The following OOSP3 variants were observed in gnomAD, a reference collection of about 807,000 sequenced individuals.
OOSP3 encodes oocyte secreted protein family member 3.
At chr11:59,880,041 G>T (rs749295118) in intron 1 of OOSP3, among the ~76,000 whole-genome samples, 1 of 152,128 alleles carries the variant, frequency 6.6e-6, no homozygotes, top group African/African-American at 2.4e-5. Flanking sequence ...AACAGTACTC[G>T]CAGGGAAGGA....
Position 59,878,887 on chromosome 11 carries a change from A to G in OOSP3, c.73+6A>G. On this transcript the variant is annotated splice_donor_region_variant and intron_variant, in intron 1 of 4. Coordinates refer to ENST00000646438, the Ensembl canonical transcript of OOSP3. ...TCTTTCTGAGCAAGAGTCAGGTACA[A>G]GTGACCTTTATATTTTGTTGTTTGA... is the stretch of plus-strand genomic sequence containing the variant. The G allele has an allele frequency of 2.5e-6, 1 of 398,482 alleles. No individual in the cohort carries two copies. The highest frequency in any genetic ancestry group is 4.4e-6 in the Non-Finnish European group (1 of 226,010). 24.7% of individuals were successfully genotyped at this position (398,482 alleles called of 1,614,324 possible).
chr11:59,882,221 A>G (rs1175294535), intron 2 of OOSP3, among the ~76,000 whole-genome samples: 1 of 152,142 alleles, frequency 6.6e-6, no homozygotes. Context: ...GGCACAAACT[A>G]TGACGTAGAA....
At chr11:59,882,174 G>A (rs1853208119) in intron 2 of OOSP3, among the ~76,000 whole-genome samples, 1 of 152,048 alleles carries the variant, frequency 6.6e-6, no homozygotes, top group Non-Finnish European at 1.5e-5. Flanking sequence ...GAGACACTAA[G>A]AGAGGCAGAG....
chr11:59,884,467 GTCTGTCTGTCTCTCTC>G lies in OOSP3; in HGVS notation c.252+4032_252+4047del, dbSNP rs1317656103. ...TGTCTGTTTGTCTGTCTGTCTGTCT[GTCTGTCTGTCTCTCTC>G]TCTCTCTCTCTCTCTCTCTCTCTCT... On this transcript the variant is annotated intron_variant, in intron 2 of 4. Coordinates refer to ENST00000646438, the Ensembl canonical transcript of OOSP3. Among the ~76,000 whole-genome samples the G allele has an allele frequency of 3.4e-3, 410 of 121,942 alleles. 1 individual carries two copies. The highest frequency in any genetic ancestry group is 0.012 in the African/African-American group (364 of 30,146). 80.0% of individuals were successfully genotyped at this position (121,942 alleles called of 152,430 possible). A position where few individuals can be genotyped will look rare whatever the true frequency, so the allele number is the denominator to read the frequency against.
At chr11:59,895,125 T>C (rs1312478263) in intron 3 of OOSP3, among the ~76,000 whole-genome samples, 1 of 152,184 alleles carries the variant, frequency 6.6e-6, no homozygotes, top group South Asian at 2.1e-4. Context: ...ATCTTCAGGA[T>C]CAATGGATGA....
chr11:59,892,028 C>G (rs1853316768), intron 2 of OOSP3, among the ~76,000 whole-genome samples: 1 of 152,200 alleles, frequency 6.6e-6, no homozygotes, highest in African/African-American at 2.4e-5. Context: ...AATCTCTTGC[C>G]TCACTGGAGT....
At chr11:59,882,388 T>A (rs75321450) in intron 2 of OOSP3, among the ~76,000 whole-genome samples, 2,675 of 152,264 alleles carry the variant, frequency 0.018, 93 homozygotes, top group African/African-American at 0.059. Flanking sequence ...ATGTTTAAAA[T>A]GTTTTCAAAT....
chr11:59,885,158 A>G (rs545325153), intron 2 of OOSP3, among the ~76,000 whole-genome samples: 65 of 152,254 alleles, frequency 4.3e-4, no homozygotes, highest in African/African-American at 1.4e-3. Context: ...TTCTATTAAT[A>G]TGGTGTATTA....
intron 4 of OOSP3, 33 bp downstream of exon 4, chr11:59,895,685 G>A (rs1163680845): frequency 7.5e-6 from 3 of 398,142 alleles, no homozygotes; most frequent in African/African-American, 6.2e-5. Context: ...AAACATGGCA[G>A]TGTCCATGTA....
intron 2 of OOSP3, among the ~76,000 whole-genome samples, chr11:59,888,064 T>C (rs983997198): frequency 1.3e-5 from 2 of 152,198 alleles, no homozygotes; most frequent in African/African-American, 4.8e-5. Context: ...TTTGTGGCAA[T>C]TGTGAATGGG....
chr11:59,894,329 C>T (rs887761425), intron 3 of OOSP3, among the ~76,000 whole-genome samples, 153 bp downstream of exon 3: 6 of 152,184 alleles, frequency 3.9e-5, no homozygotes, highest in African/African-American at 1.4e-4. Context: ...TTATCAATGC[C>T]ATTTGGCCAT....
chr11:59,891,128 T>C (rs891615368), intron 2 of OOSP3, among the ~76,000 whole-genome samples: 4 of 152,218 alleles, frequency 2.6e-5, no homozygotes. Context: ...CTCCATCAGG[T>C]CATTATGTTT....
intron 4 of OOSP3, among the ~76,000 whole-genome samples, 186 bp downstream of exon 4, chr11:59,895,838 T>C (rs1420488277): frequency 2.0e-5 from 3 of 152,238 alleles, no homozygotes; most frequent in Non-Finnish European, 4.4e-5. Context: ...TCCATGTGTC[T>C]ACATATATCC....
intron 2 of OOSP3, among the ~76,000 whole-genome samples, chr11:59,892,862 C>T (rs945629636): frequency 1.3e-5 from 2 of 152,120 alleles, no homozygotes; most frequent in Non-Finnish European, 2.9e-5. Flanking sequence ...AGCTATCATT[C>T]TTACTGAGAT....
chr11:59,879,276 G>C (rs1398766303), intron 1 of OOSP3, among the ~76,000 whole-genome samples: 1 of 152,110 alleles, frequency 6.6e-6, no homozygotes, highest in Non-Finnish European at 1.5e-5. Flanking sequence ...TCATGAGTTA[G>C]TGATCATAAA....
At position 59,895,551 on chromosome 11, in the gene OOSP3, T is replaced by C. The variant is rs559034972; in HGVS notation, c.400T>C (p.Phe134Leu). ...CACTATCCATAACAATCTTACAGAA[T>C]TCCAAAATGACCCTCCCGCTACCAA... Residue 134 changes from phenylalanine (F) to leucine (L), a missense_variant, in exon 4 of 5, where the codon TTC (phenylalanine) becomes CTC (leucine). By Grantham distance (22) the Phe-to-Leu change is conservative. Coordinates refer to ENST00000646438, the Ensembl canonical transcript of OOSP3. The C allele has an allele frequency of 9.3e-5, 37 of 398,450 alleles. No individual in the cohort carries two copies. The South Asian group carries it at 4.3e-3, about 47-fold the overall frequency. 24.7% of individuals were successfully genotyped at this position (398,450 alleles called of 1,614,324 possible).
At chr11:59,879,972 T>C (rs1157538702) in intron 1 of OOSP3, among the ~76,000 whole-genome samples, 1 of 152,142 alleles carries the variant, frequency 6.6e-6, no homozygotes, top group East Asian at 1.9e-4. Flanking sequence ...GGCAGCCCCA[T>C]ACAGCAAAAG....
At chr11:59,886,192 G>T (rs554227890) in intron 2 of OOSP3, among the ~76,000 whole-genome samples, 1 of 152,080 alleles carries the variant, frequency 6.6e-6, no homozygotes, top group South Asian at 2.1e-4. Flanking sequence ...ATGGCTTCCA[G>T]CTTCACCTAA....
At chr11:59,884,025 C>G (rs1453253638) in intron 2 of OOSP3, among the ~76,000 whole-genome samples, 1 of 152,200 alleles carries the variant, frequency 6.6e-6, no homozygotes, top group Non-Finnish European at 1.5e-5. Flanking sequence ...ATTCTGGATT[C>G]ATATACAGGT....
Sources: allele counts gnomAD v4.1 joint callset (sites outside exome capture counted in the v4.1 genomes callset), GRCh38; gene constraint gnomAD v4.1.1; transcripts MANE v1.5; gene names NCBI Gene and HGNC (gene_info 2026-07-23, HGNC 2026-07-21).